Variants in CD2AP observed in about 807,000 individuals in gnomAD.
The protein encoded by CD2AP is CD2 associated protein.
A neutral mutation model predicts 85.1 loss-of-function variants in CD2AP; 46 were observed. That is an observed-to-expected ratio of 0.54 (90% CI 0.43 to 0.69). CD2AP has a LOEUF of 0.69. Ranked by LOEUF, CD2AP falls within the 30% of genes least tolerant of loss-of-function variation. The pLI is 0.00. For synonymous variants in CD2AP, 255 were observed against 252.9 expected, an observed-to-expected ratio of 1.01 and a Z score of -0.08; for missense variants, 769 against 729.5, an observed-to-expected ratio of 1.05 and a Z score of -0.62.
In CD2AP at chr6:47,579,489, A is replaced by G. The variant is rs762874586; in HGVS notation, c.1008A>G (p.Pro336=). ...TAAATGAACTTGATAAAGACTTTCC[A>G]GTAAGCTTTTGTTTTTCAATGATGA... The part of the protein sequence containing the change: ...VQINELDKDF[P]KPKKPPPPAK... The change falls in exon 9 of 18, where the codon CCA becomes CCG. Residue 336 remains proline (P), a splice_region_variant and synonymous_variant. Transcript: ENST00000359314. The G allele has an allele frequency of 1.7e-5, 26 of 1,561,836 alleles. No individual in the cohort carries two copies. In the Admixed American group the frequency reaches 3.2e-4, roughly 19 times the overall value.
intron 11 of CD2AP, among the ~76,000 whole-genome samples, chr6:47,589,037 A>C (rs1191302145): frequency 6.6e-6 from 1 of 152,050 alleles, no homozygotes. Flanking sequence ...TATCATAAGG[A>C]ATGCAATTTA....
intron 17 of CD2AP, among the ~76,000 whole-genome samples, chr6:47,621,372 C>G (rs1769739543): frequency 6.6e-6 from 1 of 152,010 alleles, no homozygotes; most frequent in Non-Finnish European, 1.5e-5. Context: ...TTAAACCATC[C>G]CTGCATCCCT....
chr6:47,521,183 T>C (rs1422466952), intron 2 of CD2AP, among the ~76,000 whole-genome samples: 2 of 152,162 alleles, frequency 1.3e-5, no homozygotes, highest in East Asian at 3.8e-4. Flanking sequence ...TCCATAACAG[T>C]TGCTTATCTT....
intron 3 of CD2AP, among the ~76,000 whole-genome samples, chr6:47,543,392 G>A (rs1262439155): frequency 6.6e-6 from 1 of 152,076 alleles, no homozygotes; most frequent in East Asian, 1.9e-4. Flanking sequence ...GAACCACCTA[G>A]GGATCTTGTT....
intron 5 of CD2AP, among the ~76,000 whole-genome samples, chr6:47,561,907 A>C (rs899109223): frequency 6.6e-6 from 1 of 152,048 alleles, no homozygotes; most frequent in Non-Finnish European, 1.5e-5. Flanking sequence ...CAACCTCCCA[A>C]GTAGGCGCCC....
At chr6:47,595,331 T>C (rs969739441) in intron 11 of CD2AP, among the ~76,000 whole-genome samples, 2 of 152,162 alleles carry the variant, frequency 1.3e-5, no homozygotes, top group Non-Finnish European at 2.9e-5. Flanking sequence ...ATTACAAATA[T>C]AAGCCTATAA....
chr6:47,605,909 C>G (rs1769257136), intron 13 of CD2AP, among the ~76,000 whole-genome samples: 1 of 151,708 alleles, frequency 6.6e-6, no homozygotes, highest in Non-Finnish European at 1.5e-5. Context: ...ATCTAGGTCT[C>G]TATTGGAAAC....
intron 1 of CD2AP, among the ~76,000 whole-genome samples, chr6:47,491,527 C>A (rs915752716): frequency 1.1e-4 from 17 of 151,976 alleles, no homozygotes; most frequent in Admixed American, 5.9e-4. Flanking sequence ...TTGACAGACT[C>A]AGTTAGATGC....
Position 47,595,979 on chromosome 6 carries a change from C to T in CD2AP, c.1227C>T (p.Tyr409=), listed in dbSNP as rs746460356. ...SNLLRSSGTV[Y]PKRPEKPVPP... ...TACTGAGATCTTCTGGAACAGTGTA[C>T]CCAAAGCGACCTGAAAAACCAGTTC... is the stretch of plus-strand genomic sequence containing the variant. The change falls in exon 12 of 18, where the codon TAC becomes TAT. Residue 409 remains tyrosine, a synonymous_variant. Transcript: ENST00000359314. 1 of 1,612,626 alleles carries T rather than the reference C, an allele frequency of 6.2e-7. No homozygotes were observed. The highest frequency in any genetic ancestry group is 8.5e-7 in the Non-Finnish European group (1 of 1,178,964).
intron 11 of CD2AP, among the ~76,000 whole-genome samples, chr6:47,591,683 C>A (rs1768796222): frequency 6.6e-6 from 1 of 152,052 alleles, no homozygotes; most frequent in Non-Finnish European, 1.5e-5. Flanking sequence ...AATGGGTTAA[C>A]TTATTACGTA....
intron 11 of CD2AP, among the ~76,000 whole-genome samples, chr6:47,589,563 C>CAG (rs1346907208): frequency 2.1e-5 from 1 of 46,596 alleles, no homozygotes; most frequent in Non-Finnish European, 6.4e-5. Flanking sequence ...CACACACACA[C>CAG]ACATATATAT....
At position 47,595,964 on chromosome 6, in the gene CD2AP, T is replaced by A. The variant is rs1263844695; in HGVS notation, c.1212T>A (p.Ser404=). Residue 404 remains serine (S), a synonymous_variant, in exon 12 of 18, where the codon TCT becomes TCA. Coordinates refer to ENST00000359314, the MANE Select transcript of CD2AP (RefSeq NM_012120.3). ...CCAAAGCCAGTAATTTACTGAGATC[T>A]TCTGGAACAGTGTACCCAAAGCGAC... ...PPTKASNLLR[S]SGTVYPKRPE... is the part of the protein sequence containing the mutation. The A allele has an allele frequency of 6.2e-7, 1 of 1,612,778 alleles. No homozygotes were observed. Among genetic ancestry groups the A allele is most frequent in the Non-Finnish European group, 8.5e-7 (1 of 1,179,118 alleles).
intron 4 of CD2AP, among the ~76,000 whole-genome samples, chr6:47,549,232 G>A (rs1767448632): frequency 6.6e-6 from 1 of 152,050 alleles, no homozygotes; most frequent in Admixed American, 6.5e-5. Flanking sequence ...GAAATAAAGG[G>A]CATCCAACTT....
intron 13 of CD2AP, among the ~76,000 whole-genome samples, chr6:47,604,301 A>G (rs149606514): frequency 3.3e-5 from 5 of 152,206 alleles, no homozygotes; most frequent in Non-Finnish European, 7.4e-5. Context: ...GTTCCATTTT[A>G]CTAACCTAAT....
chr6:47,554,770 G>C lies in CD2AP; in HGVS notation c.541+4G>C. 6.2e-7 allele frequency: 1 copy of C among 1,605,748 alleles called. No homozygotes were observed. The highest frequency in any genetic ancestry group is 1.1e-5 in the South Asian group (1 of 89,336). ...CATGAAGCCCAGGACGATTCAGGTA[G>C]ACTATTTTTTAAAATTTTTAATTGA... On this transcript the variant is annotated splice_donor_region_variant and intron_variant, in intron 5 of 17. Transcript: ENST00000359314.
At chr6:47,539,393 C>G (rs1357237835) in intron 3 of CD2AP, among the ~76,000 whole-genome samples, 3 of 152,092 alleles carry the variant, frequency 2.0e-5, no homozygotes, top group Non-Finnish European at 2.9e-5. Flanking sequence ...GAATAGCATT[C>G]AAGGAAGAAA....
chr6:47,525,139 C>A (rs1766688944), intron 2 of CD2AP, among the ~76,000 whole-genome samples: 1 of 151,846 alleles, frequency 6.6e-6, no homozygotes, highest in South Asian at 2.1e-4. Flanking sequence ...CTAAATCAAT[C>A]ATTTCTAGAC....
chr6:47,557,497 T>G (rs919329572), intron 5 of CD2AP, among the ~76,000 whole-genome samples: 1 of 152,174 alleles, frequency 6.6e-6, no homozygotes, highest in Admixed American at 6.5e-5. Flanking sequence ...TGAGTTAATT[T>G]TTGTATAAGG....
At chr6:47,507,815 A>G (rs915215347) in intron 2 of CD2AP, among the ~76,000 whole-genome samples, 17 of 152,218 alleles carry the variant, frequency 1.1e-4, no homozygotes, top group Non-Finnish European at 1.9e-4. Flanking sequence ...CAAAATGGAT[A>G]TTATGTTAGC....
Sources: allele counts gnomAD v4.1 joint callset (sites outside exome capture counted in the v4.1 genomes callset), GRCh38; gene constraint gnomAD v4.1.1; transcripts MANE v1.5; gene names NCBI Gene and HGNC (gene_info 2026-07-23, HGNC 2026-07-21).